Variants in RDX observed in about 807,000 individuals in gnomAD.
RDX encodes radixin.
In RDX, 32 loss-of-function variants were observed where a neutral mutation model predicts 83.7. That is an observed-to-expected ratio of 0.38 (90% CI 0.29 to 0.51). The LOEUF (loss-of-function observed/expected upper bound fraction) is 0.51, where lower values mean the gene tolerates loss of function less well. Ranked by LOEUF, RDX falls within the 20% of genes least tolerant of loss-of-function variation. RDX has a pLI of 0.87. For missense variants in RDX, 600 were observed against 689.9 expected (o/e 0.87, Z 1.46); for synonymous variants, 229 against 222.7 (o/e 1.03, Z -0.25).
intron 15 of RDX, chr11:110,195,597 A>G (rs1863188546): frequency 6.6e-6 from 1 of 152,214 alleles, no homozygotes; most frequent in Non-Finnish European, 1.5e-5. Flanking sequence ...ATTTATATAC[A>G]ATTATACAAA....
chr11:110,259,792 G>A (rs1469888539), intron 5 of RDX, among the ~76,000 whole-genome samples: 1 of 152,062 alleles, frequency 6.6e-6, no homozygotes. Context: ...ACTAAAGAGG[G>A]CCTCGAAAAT....
intron 13 of RDX, among the ~76,000 whole-genome samples, chr11:110,232,412 T>C (rs1429657554): frequency 6.6e-6 from 1 of 152,138 alleles, no homozygotes; most frequent in African/African-American, 2.4e-5. Flanking sequence ...CCTCATTTTC[T>C]TTTAATATTT....
At chr11:110,265,878 T>C (rs1024725530) in intron 3 of RDX, among the ~76,000 whole-genome samples, 2 of 152,170 alleles carry the variant, frequency 1.3e-5, no homozygotes, top group African/African-American at 2.4e-5. Context: ...ATCCTGCTAT[T>C]AGAAAATTTA....
intron 10 of RDX, among the ~76,000 whole-genome samples, chr11:110,239,859 A>G (rs1406259189): frequency 1.3e-5 from 2 of 151,388 alleles, no homozygotes; most frequent in East Asian, 3.9e-4. Flanking sequence ...AAAAAAAAAA[A>G]GGCAGTAACA....
chr11:110,208,540 T>A (rs1199218697), intron 14 of RDX, among the ~76,000 whole-genome samples: 1 of 152,228 alleles, frequency 6.6e-6, no homozygotes, highest in African/African-American at 2.4e-5. Context: ...ACCTATTGGG[T>A]GGCTTAAAAA....
At chr11:110,193,225 A>C (rs1011197418) in intron 15 of RDX, among the ~76,000 whole-genome samples, 7 of 152,246 alleles carry the variant, frequency 4.6e-5, no homozygotes, top group African/African-American at 1.4e-4. Flanking sequence ...AGCAACATGA[A>C]TGCAGCTGGA....
At chr11:110,215,541 T>C (rs1219961011) in intron 14 of RDX, among the ~76,000 whole-genome samples, 1 of 152,150 alleles carries the variant, frequency 6.6e-6, no homozygotes, top group Non-Finnish European at 1.5e-5. Flanking sequence ...CAAGCCCACA[T>C]GCAGTGGTTC....
intron 7 of RDX, among the ~76,000 whole-genome samples, chr11:110,257,508 G>C (rs1417526993): frequency 2.6e-5 from 4 of 152,074 alleles, no homozygotes; most frequent in African/African-American, 7.2e-5. Flanking sequence ...TAACTCACAA[G>C]AGCTAAAAGC....
chr11:110,270,988 G>A (rs916439434), intron 3 of RDX, among the ~76,000 whole-genome samples: 2 of 152,108 alleles, frequency 1.3e-5, no homozygotes, highest in South Asian at 4.1e-4. Flanking sequence ...AGAATCAACA[G>A]AAGTGGATAT....
rs139073242 is a variant in RDX, at chr11:110,203,050, C to G, written c.1749-3372G>C. 7.6e-3 allele frequency among the ~76,000 whole-genome samples: 1,154 copies of G among 152,218 alleles called. 12 individuals carry two copies. The highest frequency in any genetic ancestry group is 0.027 in the African/African-American group (1,110 of 41,530). ...AGAAAATCATTATATCAAAAAGATA[C>G]CTGCACTCCCATATTAACTGCAACA... On this transcript the variant is annotated intron_variant, in intron 14 of 15. Coordinates refer to the RDX transcript ENST00000528498.
chr11:110,243,694 C>T (rs149967221), intron 10 of RDX, among the ~76,000 whole-genome samples: 359 of 151,634 alleles, frequency 2.4e-3, no homozygotes, highest in Middle Eastern at 6.8e-3. Flanking sequence ...CTCCAGCCTG[C>T]GTGACTGAGC....
At chr11:110,193,909 A>G (rs1297817956) in intron 15 of RDX, among the ~76,000 whole-genome samples, 1 of 152,214 alleles carries the variant, frequency 6.6e-6, no homozygotes, top group African/African-American at 2.4e-5. Flanking sequence ...AACCGAAGCA[A>G]TTGGTAATTT....
intron 5 of RDX, among the ~76,000 whole-genome samples, chr11:110,263,073 G>A (rs559428798): frequency 4.6e-5 from 7 of 152,148 alleles, no homozygotes; most frequent in African/African-American, 1.2e-4. Flanking sequence ...TCAGGAGTTC[G>A]AGACCAGCCT....
At position 110,231,419 on chromosome 11, in the gene RDX, G is replaced by T; in HGVS notation, c.*450C>A. Reference sequence around the variant, plus strand: ...ATGGTGGAATTATGGCTATGGACATGGCAGATAAGAGAAGGGCACACTGAG... The same window carrying T: ...ATGGTGGAATTATGGCTATGGACATTGCAGATAAGAGAAGGGCACACTGAG... On this transcript the variant is annotated 3_prime_UTR_variant, in exon 14 of 14. Coordinates refer to ENST00000645495, the MANE Select transcript of RDX (RefSeq NM_002906.4). 1 of 233,292 alleles carries T rather than the reference G, an allele frequency of 4.3e-6. No homozygotes were observed. Among genetic ancestry groups the T allele is most frequent in the Admixed American group, 5.2e-5 (1 of 19,404 alleles). 14.5% of individuals were successfully genotyped at this position (233,292 alleles called of 1,614,324 possible).
chr11:110,278,139 C>T (rs1234839919), intron 2 of RDX, among the ~76,000 whole-genome samples: 2 of 151,976 alleles, frequency 1.3e-5, no homozygotes, highest in African/African-American at 2.4e-5. Context: ...TTCATTTCAC[C>T]GATCCTATTA....
intron 1 of RDX, among the ~76,000 whole-genome samples, chr11:110,285,236 A>G (rs981150631): frequency 1.3e-5 from 2 of 151,528 alleles, no homozygotes; most frequent in African/African-American, 4.9e-5. Context: ...AAAATACAAA[A>G]AATTAGCTGG....
chr11:110,266,276 T>C (rs1860044644), intron 3 of RDX, among the ~76,000 whole-genome samples: 1 of 150,964 alleles, frequency 6.6e-6, no homozygotes, highest in Admixed American at 6.6e-5. Flanking sequence ...GAGCTTGCAG[T>C]GAGCCGAGAT....
At chr11:110,209,764 T>G (rs1417820149) in intron 14 of RDX, among the ~76,000 whole-genome samples, 1 of 144,784 alleles carries the variant, frequency 6.9e-6, no homozygotes, top group Non-Finnish European at 1.5e-5. Flanking sequence ...CCAACAGACC[T>G]GCAGCTGAGG....
intron 14 of RDX, among the ~76,000 whole-genome samples, chr11:110,203,360 G>A (rs1251576584): frequency 6.6e-6 from 1 of 151,096 alleles, no homozygotes; most frequent in Non-Finnish European, 1.5e-5. Flanking sequence ...TTACCAGAGG[G>A]TAAGAAGGGT....
Sources: gnomAD v4.1 joint callset for allele counts (sites outside exome capture counted in the v4.1 genomes callset) on GRCh38, gnomAD v4.1.1 for gene constraint, MANE v1.5 for transcripts, NCBI Gene and HGNC (gene_info 2026-07-23, HGNC 2026-07-21) for gene names.